The following TSPAN9 variants were observed in gnomAD, a reference collection of about 807,000 sequenced individuals.
TSPAN9 encodes the protein tetraspanin-9.
TSPAN9 carries 16 observed loss-of-function variants against 31.0 expected under a neutral mutation model. That is an observed-to-expected ratio of 0.52 (90% confidence interval 0.35 to 0.78). The LOEUF (loss-of-function observed/expected upper bound fraction) is 0.78. TSPAN9 is among the 30% of genes least tolerant of loss of function. The pLI is 0.01. For synonymous variants in TSPAN9, 145 were observed against 121.6 expected, an observed-to-expected ratio of 1.19 and a Z score of -1.27; for missense variants, 272 against 312.5, an observed-to-expected ratio of 0.87 and a Z score of 0.98.
chr12:3,140,136 T>C (rs688362), intron 2 of TSPAN9, among the ~76,000 whole-genome samples: 148,036 of 152,256 alleles, frequency 0.97, 72,114 homozygotes, highest in East Asian at 1. Flanking sequence ...CTACCCAGAG[T>C]GTGGCCCGTG....
In TSPAN9 at chr12:3,170,597, G is replaced by GT. The variant is rs1341833392; in HGVS notation, c.-17-30580_-17-30579insT. On this transcript the variant is annotated intron_variant, in intron 2 of 8. Transcript: ENST00000011898. The surrounding 1 kb of genome is among the most constrained non-coding windows in gnomAD (Gnocchi z 4.4). ...TCACTGAGTCAGTTCTGTGTGGGGG[G>GT]GTCGTGATGGGGGAGCAGATGGCCC... Among the ~76,000 whole-genome samples the GT allele has an allele frequency of 1.3e-5, 2 of 148,826 alleles. No individual in the cohort carries two copies. Among genetic ancestry groups the GT allele is most frequent in the African/African-American group, 4.9e-5 (2 of 40,656 alleles).
chr12:3,155,687 G>A (rs2098341888), intron 2 of TSPAN9, among the ~76,000 whole-genome samples: 2 of 152,198 alleles, frequency 1.3e-5, no homozygotes, highest in Admixed American at 6.5e-5. Flanking sequence ...GTGAGAGACG[G>A]CTTGAAGCAT....
intron 1 of TSPAN9, among the ~76,000 whole-genome samples, chr12:3,082,247 C>T (rs2098298326): frequency 1.3e-5 from 2 of 152,178 alleles, no homozygotes; most frequent in Admixed American, 1.3e-4. Context: ...GGGGAGCTTG[C>T]ATTTCAACAG....
At chr12:3,110,670 T>C (rs1212224778) in intron 2 of TSPAN9, among the ~76,000 whole-genome samples, 1 of 152,148 alleles carries the variant, frequency 6.6e-6, no homozygotes, top group Non-Finnish European at 1.5e-5. Flanking sequence ...GCTGAATGAG[T>C]GAACACATGA....
intron 8 of TSPAN9, among the ~76,000 whole-genome samples, chr12:3,282,775 T>C (rs1862922569): frequency 1.3e-5 from 2 of 152,190 alleles, no homozygotes; most frequent in South Asian, 4.1e-4. Context: ...AGCGCCCCTC[T>C]GAGTAGGCAC....
chr12:3,141,867 C>G (rs1001217917), intron 2 of TSPAN9, among the ~76,000 whole-genome samples: 1 of 152,188 alleles, frequency 6.6e-6, no homozygotes, highest in African/African-American at 2.4e-5. Flanking sequence ...CAGAACAAGT[C>G]ACCTCCTCCC....
intron 2 of TSPAN9, among the ~76,000 whole-genome samples, chr12:3,153,510 A>G (rs1041427734): frequency 6.6e-6 from 1 of 152,042 alleles, no homozygotes. Context: ...TTTCTTTAAC[A>G]TTTTACTATA....
At chr12:3,279,768 A>G (rs1862861058) in intron 5 of TSPAN9, among the ~76,000 whole-genome samples, 1 of 152,238 alleles carries the variant, frequency 6.6e-6, no homozygotes, top group Non-Finnish European at 1.5e-5. Flanking sequence ...AGAAAGAATA[A>G]TCTTTTAGTT....
chr12:3,190,557 G>A (rs2098363824), intron 2 of TSPAN9, among the ~76,000 whole-genome samples: 1 of 152,190 alleles, frequency 6.6e-6, no homozygotes, highest in South Asian at 2.1e-4. Flanking sequence ...ATTGGCCTTA[G>A]GATGAAAGAT....
intron 2 of TSPAN9, among the ~76,000 whole-genome samples, chr12:3,116,474 C>T (rs2098322485): frequency 6.6e-6 from 1 of 152,128 alleles, no homozygotes; most frequent in African/African-American, 2.4e-5. Context: ...ACTTCCTGAG[C>T]ACTTAGAATA....
At chr12:3,245,702 C>T (rs368038201) in intron 3 of TSPAN9, among the ~76,000 whole-genome samples, 9 of 152,196 alleles carry the variant, frequency 5.9e-5, no homozygotes, top group South Asian at 2.1e-4. Context: ...ACCCCCAACA[C>T]GCTTTGCTCA....
At chr12:3,208,147 C>T (rs116962970) in intron 3 of TSPAN9, among the ~76,000 whole-genome samples, 5 of 152,290 alleles carry the variant, frequency 3.3e-5, no homozygotes, top group African/African-American at 4.8e-5. Context: ...GCGGTGAGAG[C>T]GTATGAACAG....
chr12:3,222,249 G>A (rs1429014541), intron 3 of TSPAN9, among the ~76,000 whole-genome samples: 2 of 152,250 alleles, frequency 1.3e-5, no homozygotes, highest in East Asian at 3.8e-4. Flanking sequence ...GGCATGTGGA[G>A]GGGATCCCCA....
intron 2 of TSPAN9, among the ~76,000 whole-genome samples, chr12:3,138,363 AGAG>A (rs1464957011): frequency 6.6e-6 from 1 of 152,082 alleles, no homozygotes; most frequent in African/African-American, 2.4e-5. Flanking sequence ...GGAGTCGGTT[AGAG>A]GAGGGGGCTA....
At chr12:3,214,538 C>T (rs1033961285) in intron 3 of TSPAN9, among the ~76,000 whole-genome samples, 2 of 152,172 alleles carry the variant, frequency 1.3e-5, no homozygotes, top group African/African-American at 4.8e-5. Context: ...CAGTTCCTTG[C>T]TTAGTGGTGG....
intron 2 of TSPAN9, 48 bp from the exon 3 acceptor site, chr12:3,201,129 G>C: frequency 6.6e-7 from 1 of 1,523,506 alleles, no homozygotes; most frequent in Admixed American, 1.7e-5. Flanking sequence ...CCCAAAGGCA[G>C]CAAGTACGTG....
In TSPAN9 at chr12:3,221,352, A is replaced by ATT. The variant is rs200531623; in HGVS notation, c.63+20100_63+20101dup. 1.7e-3 allele frequency among the ~76,000 whole-genome samples: 229 copies of ATT among 131,664 alleles called. 4 individuals carry two copies. The highest frequency in any genetic ancestry group is 8.5e-3 in the Middle Eastern group (2 of 236). 86.4% of individuals were successfully genotyped at this position (131,664 alleles called of 152,430 possible). On this transcript the variant is annotated intron_variant, in intron 3 of 8. Transcript: ENST00000011898. Reference sequence around the variant, plus strand: ...AGATAAGTTATTTTTTATTTAAAATATTTTTCTCTTTTTTTTTTTTTTTTA... The same window carrying ATT: ...AGATAAGTTATTTTTTATTTAAAATATTTTTTTCTCTTTTTTTTTTTTTTTTA...
At chr12:3,153,221 T>C (rs1167023833) in intron 2 of TSPAN9, among the ~76,000 whole-genome samples, 1 of 152,204 alleles carries the variant, frequency 6.6e-6, no homozygotes, top group Non-Finnish European at 1.5e-5. Context: ...CATCATGTGC[T>C]AGTTTATTTC....
intron 2 of TSPAN9, among the ~76,000 whole-genome samples, chr12:3,119,501 C>T (rs2098324094): frequency 1.3e-5 from 2 of 152,166 alleles, no homozygotes; most frequent in South Asian, 2.1e-4. Flanking sequence ...TTGTGAAATG[C>T]CCTTGCCCGT....
Sources: gnomAD v4.1 joint callset for allele counts (sites outside exome capture counted in the v4.1 genomes callset) on GRCh38, gnomAD v4.1.1 for gene constraint, Gnocchi (gnomAD v3.1) non-coding constraint, MANE v1.5 for transcripts, NCBI Gene and HGNC (gene_info 2026-07-23, HGNC 2026-07-21) for gene names.